Variants in MYO3A observed in about 807,000 individuals in gnomAD.
MYO3A encodes myosin IIIA, also known as myosin-IIIa.
In MYO3A, 180 loss-of-function variants were observed where a neutral mutation model predicts 192.7. The ratio of observed to expected loss-of-function variants is 0.93; its 90% confidence interval spans 0.83 to 1.06. The LOEUF is 1.06. MYO3A is among the 50% of genes least tolerant of loss of function. The pLI is 0.00. For synonymous variants in MYO3A, 628 were observed against 645.3 expected, an observed-to-expected ratio of 0.97 and a Z score of 0.41; for missense variants, 1,896 against 1,905.0, an observed-to-expected ratio of 1.00 and a Z score of 0.09.
At chr10:26,128,298 T>C in intron 19 of MYO3A, 93 bp from the exon 20 acceptor site, 1 of 1,342,622 alleles carries the variant, frequency 7.4e-7, no homozygotes, top group South Asian at 1.2e-5. Context: ...TAGTAGTTTC[T>C]TAGCTCAGTC....
chr10:26,197,908 C>A (rs1199210301), intron 32 of MYO3A, among the ~76,000 whole-genome samples: 1 of 152,182 alleles, frequency 6.6e-6, no homozygotes, highest in Non-Finnish European at 1.5e-5. Context: ...TACTTGTCTC[C>A]TGTGTGACTT....
At chr10:26,093,345 G>T (rs1031673207) in intron 15 of MYO3A, among the ~76,000 whole-genome samples, 1 of 152,186 alleles carries the variant, frequency 6.6e-6, no homozygotes, top group Non-Finnish European at 1.5e-5. Flanking sequence ...TGTGCCAGTC[G>T]TAGAGAAGTT....
intron 33 of MYO3A, among the ~76,000 whole-genome samples, chr10:26,201,761 G>C (rs577718121): frequency 6.6e-6 from 1 of 151,404 alleles, no homozygotes; most frequent in Non-Finnish European, 1.5e-5. Flanking sequence ...ATACATTTAC[G>C]TTACGAATAT....
chr10:26,120,841 C>A, intron 18 of MYO3A, 39 bp downstream of exon 18: 1 of 1,609,936 alleles, frequency 6.2e-7, no homozygotes, highest in South Asian at 1.1e-5. Context: ...TGAAATCTTT[C>A]AAATCTTATG....
chr10:26,201,231 T>C (rs576010582), intron 32 of MYO3A, 34 bp from the exon 33 acceptor site: 1 of 1,291,730 alleles, frequency 7.7e-7, no homozygotes, highest in Non-Finnish European at 1.1e-6. Flanking sequence ...GATCATAATA[T>C]TATATAGATC....
intron 17 of MYO3A, among the ~76,000 whole-genome samples, chr10:26,112,912 G>GAAACAATT (rs1247915222): frequency 2.0e-5 from 3 of 152,114 alleles, no homozygotes; most frequent in Non-Finnish European, 4.4e-5. Context: ...GTCTCATTTA[G>GAAACAATT]AAACAATTTT....
intron 31 of MYO3A, among the ~76,000 whole-genome samples, chr10:26,187,982 T>G (rs1842943516): frequency 6.6e-6 from 1 of 152,174 alleles, no homozygotes; most frequent in African/African-American, 2.4e-5. Context: ...AGCAGCATGA[T>G]TTATAATCCT....
chr10:26,070,957 TAA>T (rs1460135428), intron 14 of MYO3A, among the ~76,000 whole-genome samples: 3 of 152,102 alleles, frequency 2.0e-5, no homozygotes, highest in African/African-American at 7.2e-5. Flanking sequence ...TCCATATTAT[TAA>T]GACGTCAGTC....
intron 17 of MYO3A, among the ~76,000 whole-genome samples, chr10:26,117,734 A>G (rs1455138470): frequency 1.3e-5 from 2 of 152,130 alleles, no homozygotes; most frequent in Non-Finnish European, 2.9e-5. Context: ...TCTTTACCCA[A>G]TGTATCATTG....
At chr10:26,176,124 C>A (rs1842316769) in intron 30 of MYO3A, among the ~76,000 whole-genome samples, 1 of 152,052 alleles carries the variant, frequency 6.6e-6, no homozygotes, top group Non-Finnish European at 1.5e-5. Flanking sequence ...GAAACCCTGT[C>A]TCTACTAAAA....
intron 17 of MYO3A, among the ~76,000 whole-genome samples, chr10:26,101,054 G>C (rs1421381217): frequency 6.6e-6 from 1 of 152,140 alleles, no homozygotes; most frequent in Non-Finnish European, 1.5e-5. Flanking sequence ...GGTCTCTAAA[G>C]ACTTGCTTTA....
At chr10:26,063,564 T>G (rs1194173809) in intron 10 of MYO3A, among the ~76,000 whole-genome samples, 1 of 152,186 alleles carries the variant, frequency 6.6e-6, no homozygotes, top group Non-Finnish European at 1.5e-5. Context: ...GATATTCCTA[T>G]CCTAGGAAAT....
intron 10 of MYO3A, among the ~76,000 whole-genome samples, chr10:26,038,599 G>GT (rs1358331633): frequency 2.6e-5 from 4 of 152,140 alleles, no homozygotes; most frequent in African/African-American, 4.8e-5. Context: ...AGTTGTTTAG[G>GT]TTTTTTCAAG....
At chr10:26,069,778 G>A (rs11014949) in intron 12 of MYO3A, among the ~76,000 whole-genome samples, 25 of 151,982 alleles carry the variant, frequency 1.6e-4, no homozygotes, top group Non-Finnish European at 1.3e-4. Flanking sequence ...ACTGAAACCC[G>A]ATCGTCTTAT....
At chr10:26,187,156 G>A (rs1364785416) in intron 31 of MYO3A, among the ~76,000 whole-genome samples, 1 of 152,018 alleles carries the variant, frequency 6.6e-6, no homozygotes, top group Non-Finnish European at 1.5e-5. Context: ...ACTACCACAT[G>A]TAGATCACCA....
In MYO3A at chr10:26,201,189, T is replaced by C; in HGVS notation, c.4546-76T>C. ...TTTTAAGAGTAAATGTATTTACATATTAAGATTATAGTTATATATCCATTA... is the reference window on the plus strand; with the variant it reads ...TTTTAAGAGTAAATGTATTTACATACTAAGATTATAGTTATATATCCATTA... On this transcript the variant is annotated intron_variant, in intron 32 of 34. Transcript: ENST00000642920. The C allele has an allele frequency of 7.5e-6, 5 of 670,366 alleles. No homozygotes were observed. The East Asian group carries it at 1.8e-4, about 24-fold the overall frequency. 41.5% of individuals were successfully genotyped at this position (670,366 alleles called of 1,614,324 possible).
At chr10:26,165,356 G>A (rs1215299760) in intron 26 of MYO3A, among the ~76,000 whole-genome samples, 1 of 152,148 alleles carries the variant, frequency 6.6e-6, no homozygotes, top group Admixed American at 6.5e-5. Context: ...AAATAGTAGA[G>A]TATTAAAAAT....
intron 7 of MYO3A, among the ~76,000 whole-genome samples, chr10:26,020,732 T>G (rs1262402800): frequency 6.6e-6 from 1 of 152,246 alleles, no homozygotes; most frequent in Non-Finnish European, 1.5e-5. Context: ...AATCTGCATT[T>G]GTACTTACAC....
chr10:25,939,846 A>G (rs181564594), intron 2 of MYO3A, among the ~76,000 whole-genome samples: 1 of 150,016 alleles, frequency 6.7e-6, no homozygotes, highest in Non-Finnish European at 1.5e-5. Context: ...CTCCCATTAA[A>G]ATTGTGAATT....
Sources: gnomAD v4.1 joint callset for allele counts (sites outside exome capture counted in the v4.1 genomes callset) on GRCh38, gnomAD v4.1.1 for gene constraint, MANE v1.5 for transcripts, NCBI Gene and HGNC (gene_info 2026-07-23, HGNC 2026-07-21) for gene names.